The following CNTN5 variants were observed in gnomAD, a reference collection of about 807,000 sequenced individuals.
CNTN5 encodes the protein contactin 5, also known as contactin-5.
In CNTN5, 77 loss-of-function variants were observed where a neutral mutation model predicts 129.1. The ratio of observed to expected loss-of-function variants is 0.60; its 90% confidence interval spans 0.50 to 0.72. The LOEUF (loss-of-function observed/expected upper bound fraction) is 0.72, where lower values mean the gene tolerates loss of function less well. Ranked by LOEUF, CNTN5 falls within the 30% of genes least tolerant of loss-of-function variation. The pLI is 0.00. For synonymous variants in CNTN5, 509 were observed against 465.6 expected, an observed-to-expected ratio of 1.09 and a Z score of -1.20; for missense variants, 1,478 against 1,328.8, an observed-to-expected ratio of 1.11 and a Z score of -1.75.
intron 13 of CNTN5, among the ~76,000 whole-genome samples, chr11:100,175,130 G>T (rs1397153533): frequency 6.6e-6 from 1 of 152,102 alleles, no homozygotes; most frequent in East Asian, 1.9e-4. Context: ...GGTCAGAGCT[G>T]CTACTAAGCA....
At chr11:100,176,434 C>T (rs967120888) in intron 13 of CNTN5, among the ~76,000 whole-genome samples, 7 of 151,230 alleles carry the variant, frequency 4.6e-5, no homozygotes, top group African/African-American at 1.7e-4. Flanking sequence ...TTTTTAAGGT[C>T]TCAAATTTTT....
At chr11:99,271,199 ATGAATTC>A (rs1863155514) in intron 1 of CNTN5, among the ~76,000 whole-genome samples, 1 of 151,958 alleles carries the variant, frequency 6.6e-6, no homozygotes, top group African/African-American at 2.4e-5. Flanking sequence ...AATCAGACTT[ATGAATTC>A]TGAAGTGGGA....
chr11:99,239,186 A>G (rs957112585), intron 1 of CNTN5, among the ~76,000 whole-genome samples: 3 of 152,198 alleles, frequency 2.0e-5, no homozygotes, highest in Non-Finnish European at 2.9e-5. Context: ...ATGTAAGACT[A>G]TAAGTACTCA....
chr11:99,988,097 G>T lies in CNTN5; in HGVS notation c.878-13937G>T, dbSNP rs1368683874. Among the ~76,000 whole-genome samples the T allele has an allele frequency of 2.0e-5, 3 of 152,138 alleles. No homozygotes were observed. In the South Asian group the frequency reaches 6.2e-4, roughly 32 times the overall value. On this transcript the variant is annotated intron_variant, in intron 8 of 24. Coordinates refer to ENST00000524871, the MANE Select transcript of CNTN5 (RefSeq NM_014361.4). ...CCTTTGAACCATATCATACACAGAG[G>T]CTTTGAAATCCACAAGAGTTTGTAA...
chr11:100,086,385 A>G lies in CNTN5; in HGVS notation c.1580+12091A>G, dbSNP rs1051856558. Among the ~76,000 whole-genome samples the G allele has an allele frequency of 2.0e-5, 3 of 151,038 alleles. No individual in the cohort carries two copies. In the South Asian group the frequency reaches 6.2e-4, roughly 31 times the overall value. On this transcript the variant is annotated intron_variant, in intron 13 of 24. Transcript: ENST00000524871. ...GAAACTTCTGGTATCAAAACAATAAAAAAAAAGAAAAATTTTTAGTGCAAC... is the reference window on the plus strand; with the variant it reads ...GAAACTTCTGGTATCAAAACAATAAGAAAAAAGAAAAATTTTTAGTGCAAC...
chr11:99,836,936 G>C (rs1947326310), intron 4 of CNTN5, among the ~76,000 whole-genome samples: 1 of 152,282 alleles, frequency 6.6e-6, no homozygotes, highest in African/African-American at 2.4e-5. Context: ...AAAATGTCAT[G>C]GTGCTGGTGG....
In CNTN5 at chr11:99,399,157, T is replaced by G. The variant is rs7940444; in HGVS notation, c.-71+73673T>G. Among the ~76,000 whole-genome samples, 189 of 150,610 alleles carry G rather than the reference T, an allele frequency of 1.3e-3. 3 individuals carry two copies. Among genetic ancestry groups the G allele is most frequent in the African/African-American group, 4.3e-3 (177 of 41,192 alleles). On this transcript the variant is annotated intron_variant, in intron 2 of 24. Coordinates refer to ENST00000524871, the MANE Select transcript of CNTN5 (RefSeq NM_014361.4). ...TGGGGCTACATAAGCATTTGTGGAA[T>G]AAAAAAAACTAAAATATTAATGAAA...
At chr11:99,627,121 C>A (rs1014867313) in intron 3 of CNTN5, among the ~76,000 whole-genome samples, 2 of 151,940 alleles carry the variant, frequency 1.3e-5, no homozygotes, top group Non-Finnish European at 2.9e-5. Flanking sequence ...CTGAGAGGCT[C>A]GCTGTTCGTG....
chr11:99,882,539 C>G (rs1443325986), intron 6 of CNTN5, among the ~76,000 whole-genome samples: 1 of 152,068 alleles, frequency 6.6e-6, no homozygotes, highest in African/African-American at 2.4e-5. Context: ...CAAGAGATCT[C>G]TAAATCACTC....
At chr11:99,267,919 C>G (rs933560446) in intron 1 of CNTN5, among the ~76,000 whole-genome samples, 1 of 81,586 alleles carries the variant, frequency 1.2e-5, no homozygotes, top group Admixed American at 1.4e-4. Flanking sequence ...CACACACACA[C>G]GCACACACAC....
At chr11:100,011,907 A>G (rs1417698799) in intron 9 of CNTN5, among the ~76,000 whole-genome samples, 2 of 152,124 alleles carry the variant, frequency 1.3e-5, no homozygotes, top group African/African-American at 4.8e-5. Context: ...GACTTCCTAC[A>G]GTGTGCAACT....
At chr11:100,008,653 C>A (rs1246584871) in intron 9 of CNTN5, among the ~76,000 whole-genome samples, 2 of 152,070 alleles carry the variant, frequency 1.3e-5, no homozygotes, top group Non-Finnish European at 2.9e-5. Context: ...TAAACATACA[C>A]TATGGACCTT....
chr11:99,333,869 C>T (rs984089017), intron 2 of CNTN5, among the ~76,000 whole-genome samples: 2 of 151,840 alleles, frequency 1.3e-5, no homozygotes, highest in African/African-American at 4.8e-5. Flanking sequence ...TATTATTGTC[C>T]TCATGGTGAC....
intron 9 of CNTN5, among the ~76,000 whole-genome samples, chr11:100,038,962 A>T (rs1206953206): frequency 6.6e-6 from 1 of 152,114 alleles, no homozygotes; most frequent in African/African-American, 2.4e-5. Context: ...CATTTAGCCC[A>T]TTTACATTTA....
At chr11:99,323,345 A>G (rs1865648674) in intron 1 of CNTN5, among the ~76,000 whole-genome samples, 1 of 152,148 alleles carries the variant, frequency 6.6e-6, no homozygotes, top group South Asian at 2.1e-4. Flanking sequence ...TTTATTCCAG[A>G]GACAAAATGG....
intron 1 of CNTN5, among the ~76,000 whole-genome samples, chr11:99,157,188 T>C (rs1326640504): frequency 2.0e-5 from 3 of 152,094 alleles, no homozygotes; most frequent in African/African-American, 7.2e-5. Flanking sequence ...GTTTCTATTA[T>C]AAATTGGTGC....
chr11:99,098,901 T>C (rs1422817825), intron 1 of CNTN5, among the ~76,000 whole-genome samples: 1 of 152,126 alleles, frequency 6.6e-6, no homozygotes, highest in Non-Finnish European at 1.5e-5. Context: ...AGACCATCTG[T>C]CTAGACAGGT....
chr11:100,123,146 T>G (rs923798152), intron 13 of CNTN5, among the ~76,000 whole-genome samples: 2 of 151,930 alleles, frequency 1.3e-5, no homozygotes, highest in Non-Finnish European at 2.9e-5. Flanking sequence ...TTCAGGAGAA[T>G]GTACTCATCT....
intron 9 of CNTN5, among the ~76,000 whole-genome samples, chr11:100,028,584 T>G (rs1941544713): frequency 6.6e-6 from 1 of 152,204 alleles, no homozygotes; most frequent in Non-Finnish European, 1.5e-5. Flanking sequence ...TGAAACGCCA[T>G]CCAAGACACA....
Sources: allele counts gnomAD v4.1 joint callset (sites outside exome capture counted in the v4.1 genomes callset), GRCh38; gene constraint gnomAD v4.1.1; transcripts MANE v1.5; gene names NCBI Gene and HGNC (gene_info 2026-07-23, HGNC 2026-07-21).